The following ITGB4 variants were observed in gnomAD, a reference collection of about 807,000 sequenced individuals.
ITGB4 encodes integrin beta-4.
In ITGB4, 159 loss-of-function variants were observed where a neutral mutation model predicts 207.6. The ratio of observed to expected loss-of-function variants is 0.77; its 90% CI spans 0.67 to 0.87. The LOEUF is 0.87. Among genes scored for constraint, ITGB4 ranks in the 40% least tolerant of loss-of-function variants. The pLI, the probability that ITGB4 is intolerant of heterozygous loss-of-function variation, is 0.00. For synonymous variants in ITGB4, 1,020 were observed against 1,062.7 expected, an observed-to-expected ratio of 0.96 and a Z score of 0.78; for missense variants, 2,278 against 2,546.8, an observed-to-expected ratio of 0.89 and a Z score of 2.27.
At chr17:75,737,872 C>G (rs1056119721) in intron 18 of ITGB4, among the ~76,000 whole-genome samples, 2 of 151,584 alleles carry the variant, frequency 1.3e-5, no homozygotes, top group Admixed American at 6.6e-5. Flanking sequence ...TGGGTCCCCA[C>G]CTCACCAGGG....
Position 75,727,251 on chromosome 17 carries a change from A to G in ITGB4, c.136A>G (p.Lys46Glu), listed in dbSNP as rs755212864. 5.6e-6 allele frequency: 9 copies of G among 1,613,942 alleles called. No homozygotes were observed. The highest frequency in any genetic ancestry group is 1.1e-5 in the South Asian group (1 of 91,046). ...KSCTECVRVD[K>E]DCAYCTDEMF... is the part of the protein sequence containing the mutation. The stretch of plus-strand genomic sequence containing the variant: ...CTGCACGGAGTGTGTCCGTGTGGAT[A>G]AGGACTGCGCCTACTGCACAGACGA... Residue 46 changes from lysine (K) to glutamate (E), a missense_variant, in exon 3 of 40, where the codon AAG (lysine) becomes GAG (glutamate). Coordinates refer to ENST00000200181, the MANE Select transcript of ITGB4 (RefSeq NM_000213.5). The surrounding 1 kb of genome is among the most constrained non-coding windows in gnomAD (Gnocchi z 6.0).
intron 26 of ITGB4, among the ~76,000 whole-genome samples, chr17:75,748,044 A>G (rs980513976): frequency 2.6e-5 from 4 of 151,932 alleles, no homozygotes; most frequent in Non-Finnish European, 5.9e-5. Flanking sequence ...CCCAGTTCTT[A>G]TCCTGGAAAG....
chr17:75,737,576 C>T lies in ITGB4; in HGVS notation c.2152C>T (p.Leu718Phe), dbSNP rs1209280188. The stretch of plus-strand genomic sequence containing the variant: ...CTCCTTCTGGTGGCTCATCCCCCTG[C>T]TCCTCCTCCTCCTGCCGCTCCTGGC... ...PGSFWWLIPL[L>F]LLLLPLLALL... The change falls in exon 18 of 40, where the codon CTC becomes TTC. Residue 718 changes from leucine to phenylalanine, a missense_variant. Leu to Phe is a conservative substitution (Grantham distance 22). Coordinates refer to ENST00000200181, the MANE Select transcript of ITGB4 (RefSeq NM_000213.5). The T allele has an allele frequency of 1.9e-6, 3 of 1,602,382 alleles. No homozygotes were observed. Among genetic ancestry groups the T allele is most frequent in the South Asian group, 2.2e-5 (2 of 89,548 alleles).
At chr17:75,754,149 G>A (rs1461176163) in intron 33 of ITGB4, among the ~76,000 whole-genome samples, 175 bp downstream of exon 33, 2 of 152,218 alleles carry the variant, frequency 1.3e-5, no homozygotes, top group African/African-American at 2.4e-5. Flanking sequence ...GGACGCGTGA[G>A]GCAGGCGCTT....
chr17:75,753,724 GC>G, intron 32 of ITGB4, 40 bp from the exon 33 acceptor site: 15 of 1,318,654 alleles, frequency 1.1e-5, no homozygotes, highest in South Asian at 6.2e-5. Context: ...TCGGCCCGGC[GC>G]CCCCCGGCGG....
At position 75,742,838 on chromosome 17, in the gene ITGB4, C is replaced by G; in HGVS notation, c.2962+77C>G. 7.1e-7 allele frequency: 1 copy of G among 1,402,672 alleles called. No individual in the cohort carries two copies. The highest frequency in any genetic ancestry group is 1.4e-5 in the African/African-American group (1 of 71,096). The allele number at this position is 1,402,672 out of a possible 1,614,324, so 86.9% of individuals were successfully genotyped here. ...GGTTCCTCCTGCTTAAGTGGAATTG[C>G]GACCTGGCCACGTGGCCTGGGCTAG... On this transcript the variant is annotated intron_variant, in intron 25 of 39. Coordinates refer to ENST00000200181, the MANE Select transcript of ITGB4 (RefSeq NM_000213.5). The surrounding 1 kb of genome is among the most constrained non-coding windows in gnomAD (Gnocchi z 5.9).
At chr17:75,733,109 C>A (rs943740580) in intron 12 of ITGB4, among the ~76,000 whole-genome samples, 1 of 147,648 alleles carries the variant, frequency 6.8e-6, no homozygotes, top group Non-Finnish European at 1.5e-5. Context: ...ATAAAATAGG[C>A]CAGGCGCGGT....
intron 38 of ITGB4, 40 bp from the exon 39 acceptor site, chr17:75,757,157 CCTT>C (rs770684829): frequency 6.4e-5 from 103 of 1,612,552 alleles, no homozygotes; most frequent in East Asian, 5.6e-4. Context: ...GGCCGTGCCT[CCTT>C]CTGGCACCAC....
At position 75,755,147 on chromosome 17, in the gene ITGB4, C is replaced by A. The variant is rs199859829; in HGVS notation, c.4558+332C>A. The A allele has an allele frequency of 8.7e-6, 14 of 1,611,782 alleles. No individual in the cohort carries two copies. The African/African-American group carries it at 1.1e-4, about 12-fold the overall frequency. ...TCGGGCTCAGATGAAAGGGTTCCCC[C>A]CTTCCAGGGGCCCACGAGACTCTAT... On this transcript the variant is annotated intron_variant, in intron 34 of 39. Transcript: ENST00000200181.
chr17:75,737,369 T>G lies in ITGB4; in HGVS notation c.2038T>G (p.Cys680Gly). 6.3e-7 allele frequency: 1 copy of G among 1,585,830 alleles called. No individual in the cohort carries two copies. The highest frequency in any genetic ancestry group is 8.6e-7 in the Non-Finnish European group (1 of 1,166,420). The part of the protein sequence containing the change: ...RCSFRDEDDD[C>G]TYSYTMEGDG... Reference sequence around the variant, plus strand: ...CTCCTTCCGGGACGAGGATGACGACTGCACCTACAGCTACACCATGGAAGG... The same window carrying G: ...CTCCTTCCGGGACGAGGATGACGACGGCACCTACAGCTACACCATGGAAGG... Residue 680 changes from cysteine (C) to glycine (G), a missense_variant, in exon 17 of 40, where the codon TGC becomes GGC. By Grantham distance (159) the Cys-to-Gly change is radical (BLOSUM62 -3). Transcript: ENST00000200181.
rs112763458 is a variant in ITGB4, at chr17:75,737,493, G to T, written c.2114-45G>T. ...GGGAGGGGGCGTGTGGCCAGAGCTCGGTGGGGAGGACAGGCACCACCTCCC... is the reference window on the plus strand; with the variant it reads ...GGGAGGGGGCGTGTGGCCAGAGCTCTGTGGGGAGGACAGGCACCACCTCCC... On this transcript the variant is annotated intron_variant, in intron 17 of 39. Coordinates refer to ENST00000200181, the MANE Select transcript of ITGB4 (RefSeq NM_000213.5). The T allele has an allele frequency of 5.4e-4, 836 of 1,554,132 alleles. 9 individuals carry two copies. The African/African-American group carries it at 9.8e-3, about 18-fold the overall frequency.
chr17:75,737,686 TC>T (rs2061012535), intron 18 of ITGB4, 42 bp downstream of exon 18: 1 of 1,537,596 alleles, frequency 6.5e-7, no homozygotes. Flanking sequence ...CATCCCAGGG[TC>T]CCCACCCCAA....
In ITGB4 at chr17:75,757,313, G is replaced by GAGCA; in HGVS notation, c.5329+4_5329+7dup. The GAGCA allele has an allele frequency of 6.2e-7, 1 of 1,612,500 alleles. No homozygotes were observed. Among genetic ancestry groups the GAGCA allele is most frequent in the Non-Finnish European group, 8.5e-7 (1 of 1,179,956 alleles). On this transcript the variant is annotated splice_donor_region_variant and intron_variant, in intron 39 of 39. Coordinates refer to ENST00000200181, the MANE Select transcript of ITGB4 (RefSeq NM_000213.5). ...CGCCACCGAGCCCTTCCTAGTGGGT[G>GAGCA]AGCACTGAGGGCTAGGGGATCCCGG...
Position 75,756,779 on chromosome 17 carries a change from A to G in ITGB4, c.4973A>G (p.Gln1658Arg). 1.9e-6 allele frequency: 3 copies of G among 1,612,814 alleles called. No individual in the cohort carries two copies. The highest frequency in any genetic ancestry group is 1.7e-5 in the Admixed American group (1 of 60,026). Reference protein sequence around the residue: ...VFTALSPDSLQLSWERPRRPN... With the variant: ...VFTALSPDSLRLSWERPRRPN... ...ACTGCCCTGAGCCCAGACTCGCTGC[A>G]GCTGAGCTGGGAGCGGCCACGGAGG... The change falls in exon 37 of 40, where the codon CAG becomes CGG. Residue 1658 changes from glutamine (Q) to arginine (R), a missense_variant. Coordinates refer to ENST00000200181, the MANE Select transcript of ITGB4 (RefSeq NM_000213.5).
chr17:75,755,836 AGCT>A lies in ITGB4; in HGVS notation c.4699_4701del (p.Leu1567del). 6.2e-7 allele frequency: 1 copy of A among 1,605,886 alleles called. No homozygotes were observed. Among genetic ancestry groups the A allele is most frequent in the Non-Finnish European group, 8.5e-7 (1 of 1,179,706 alleles). Reference sequence around the variant, plus strand: ...CTGCAGGGCTACAGTGTGGAGTACCAGCTGCTGAACGGCGGTGAGGCATGGTGG... The same window carrying A: ...CTGCAGGGCTACAGTGTGGAGTACCAGCTGAACGGCGGTGAGGCATGGTGG... On this transcript the variant is annotated inframe_deletion, in exon 35 of 40. Transcript: ENST00000200181.
intron 17 of ITGB4, 40 bp from the exon 18 acceptor site, chr17:75,737,498 G>A (rs2061006414): frequency 1.9e-6 from 3 of 1,554,340 alleles, no homozygotes; most frequent in Non-Finnish European, 2.6e-6. Flanking sequence ...AGCTCGGTGG[G>A]GAGGACAGGC....
intron 34 of ITGB4, 33 bp from the exon 35 acceptor site, chr17:75,755,668 C>T (rs377675482): frequency 6.1e-5 from 98 of 1,611,842 alleles, no homozygotes; most frequent in Non-Finnish European, 7.5e-5. Context: ...CTAGCCCCTG[C>T]ATCTCTGGCT....
rs545413198 is a variant in ITGB4, at chr17:75,744,697, C to T, written c.3111+836C>T. On this transcript the variant is annotated intron_variant, in intron 26 of 39. Transcript: ENST00000200181. ...ACCAGCATCACCTTCACTGCTGAGC[C>T]CCAGTGCTGGGGTACAGCCAAATCA... 1.1e-3 allele frequency among the ~76,000 whole-genome samples: 163 copies of T among 152,316 alleles called. 1 individual carries two copies. Among genetic ancestry groups the T allele is most frequent in the African/African-American group, 3.7e-3 (154 of 41,578 alleles).
At chr17:75,754,223 C>A (rs918733463) in intron 33 of ITGB4, among the ~76,000 whole-genome samples, 3 of 152,162 alleles carry the variant, frequency 2.0e-5, no homozygotes, top group Admixed American at 6.5e-5. Flanking sequence ...GGAAGCGGAC[C>A]CTGGCACCCA....
Sources: gnomAD v4.1 joint callset for allele counts (sites outside exome capture counted in the v4.1 genomes callset) on GRCh38, gnomAD v4.1.1 for gene constraint, Gnocchi (gnomAD v3.1) non-coding constraint, MANE v1.5 for transcripts, NCBI Gene and HGNC (gene_info 2026-07-23, HGNC 2026-07-21) for gene names.